The following ZBBX variants were observed in gnomAD, a reference collection of about 807,000 sequenced individuals.
ZBBX encodes the protein zinc finger B-box domain containing.
Under a neutral mutation model 108.5 loss-of-function variants are expected in ZBBX, and 101 were observed. The ratio of observed to expected loss-of-function variants is 0.93; its 90% confidence interval spans 0.79 to 1.10. The LOEUF (loss-of-function observed/expected upper bound fraction) is 1.10. ZBBX is among the 50% of genes least tolerant of loss of function. The pLI, the probability that ZBBX is intolerant of heterozygous loss-of-function variation, is 0.00. For synonymous variants in ZBBX, 356 were observed against 323.4 expected, an observed-to-expected ratio of 1.10 and a Z score of -1.08; for missense variants, 1,009 against 941.4, an observed-to-expected ratio of 1.07 and a Z score of -0.94.
chr3:167,196,323 T>C, the ZBBX span, among the ~76,000 whole-genome samples: 2 of 152,192 alleles, frequency 1.3e-5, no homozygotes, highest in African/African-American at 4.8e-5. Context: ...AAGAAATAAA[T>C]GCAATTAATG....
chr3:167,321,270 C>T (rs760167655), intron 12 of ZBBX, among the ~76,000 whole-genome samples: 9 of 151,720 alleles, frequency 5.9e-5, no homozygotes, highest in African/African-American at 9.7e-5. Flanking sequence ...AGAGGCTTCA[C>T]GGGAAACATG....
At chr3:167,334,028 A>C in intron 9 of ZBBX, 43 bp from the exon 10 acceptor site, 2 of 1,321,530 alleles carry the variant, frequency 1.5e-6, no homozygotes, top group Non-Finnish European at 2.0e-6. Flanking sequence ...CTCATATGTT[A>C]ACCTAAATAA....
intron 19 of ZBBX, among the ~76,000 whole-genome samples, chr3:167,284,927 G>A (rs1172538753): frequency 6.6e-6 from 1 of 151,954 alleles, no homozygotes; most frequent in Non-Finnish European, 1.5e-5. Flanking sequence ...ACTGGCACTA[G>A]TTAAAAATGC....
chr3:167,355,279 C>T (rs977599791), intron 8 of ZBBX, among the ~76,000 whole-genome samples: 7 of 151,870 alleles, frequency 4.6e-5, no homozygotes, highest in Admixed American at 1.3e-4. Flanking sequence ...TATTGTCTTC[C>T]GTCTATGTGC....
the ZBBX span, among the ~76,000 whole-genome samples, chr3:167,178,553 G>C: frequency 6.6e-6 from 1 of 152,108 alleles, no homozygotes; most frequent in South Asian, 2.1e-4. Context: ...GCTGCAACTG[G>C]GGGATCCTCA....
upstream of ZBBX, among the ~76,000 whole-genome samples, chr3:167,384,276 G>GCAGAGGC (rs1487544959): frequency 1.3e-5 from 2 of 152,078 alleles, no homozygotes; most frequent in Non-Finnish European, 2.9e-5. Context: ...AAGGCAGAGG[G>GCAGAGGC]CAGAGGCCAA....
chr3:167,260,741 T>C (rs1422946803), intron 20 of ZBBX, among the ~76,000 whole-genome samples: 3 of 152,254 alleles, frequency 2.0e-5, no homozygotes, highest in African/African-American at 7.2e-5. Flanking sequence ...TCTTGTATCA[T>C]ATTTTGAATT....
chr3:167,236,732 G>A (rs1720244881), downstream of ZBBX, among the ~76,000 whole-genome samples: 1 of 151,688 alleles, frequency 6.6e-6, no homozygotes, highest in African/African-American at 2.4e-5. Context: ...TTCTGAGCGA[G>A]GCATCTGCTG....
the ZBBX span, among the ~76,000 whole-genome samples, chr3:167,183,377 G>A: frequency 7.8e-4 from 119 of 152,246 alleles, no homozygotes; most frequent in African/African-American, 2.5e-3. Flanking sequence ...CCATTGCTCC[G>A]GCGACCCTTT....
intron 20 of ZBBX, among the ~76,000 whole-genome samples, chr3:167,256,246 G>A (rs958370692): frequency 2.0e-5 from 3 of 152,086 alleles, no homozygotes; most frequent in Non-Finnish European, 4.4e-5. Flanking sequence ...CTTGGCCATT[G>A]TGAACAGTGC....
At chr3:167,363,012 C>T (rs1744769949) in intron 6 of ZBBX, among the ~76,000 whole-genome samples, 1 of 151,916 alleles carries the variant, frequency 6.6e-6, no homozygotes, top group Non-Finnish European at 1.5e-5. Context: ...CTACTGTGAA[C>T]ATCTAAATGC....
chr3:167,193,355 C>T, the ZBBX span, among the ~76,000 whole-genome samples: 3,343 of 152,256 alleles, frequency 0.022, 43 homozygotes, highest in African/African-American at 0.026. Context: ...AAACCTTTCA[C>T]CACATTCTGT....
upstream of ZBBX, chr3:167,381,311 T>TG (rs1055597021): frequency 1.3e-5 from 2 of 152,216 alleles, no homozygotes; most frequent in Non-Finnish European, 2.9e-5. Context: ...GTGCCAGTAC[T>TG]GCCACAACTT....
chr3:167,228,383 C>T, the ZBBX span, among the ~76,000 whole-genome samples: 47,927 of 151,576 alleles, frequency 0.32, 8,021 homozygotes, highest in East Asian at 0.65. Flanking sequence ...AACATGTGCA[C>T]GGTAGTATTC....
At chr3:167,284,582 T>A (rs764647497) in intron 19 of ZBBX, among the ~76,000 whole-genome samples, 1 of 152,170 alleles carries the variant, frequency 6.6e-6, no homozygotes, top group East Asian at 1.9e-4. Context: ...ATAATGTAGA[T>A]GCCCTTCAGA....
At chr3:167,183,932 G>A in the ZBBX span, among the ~76,000 whole-genome samples, 1 of 152,196 alleles carries the variant, frequency 6.6e-6, no homozygotes, top group Admixed American at 6.5e-5. Flanking sequence ...GAGGAATCAT[G>A]AGAACTGATT....
the ZBBX span, among the ~76,000 whole-genome samples, chr3:167,222,802 G>T: frequency 0.051 from 7,797 of 151,772 alleles, 554 homozygotes; most frequent in African/African-American, 0.16. Context: ...GTGTGTTTTT[G>T]GTGGGCTAGT....
the ZBBX span, among the ~76,000 whole-genome samples, chr3:167,190,999 C>T: frequency 6.6e-6 from 1 of 152,198 alleles, no homozygotes; most frequent in Non-Finnish European, 1.5e-5. Flanking sequence ...AGGCAGTGAA[C>T]ACCAAGGGGA....
chr3:167,395,813 G>A (rs1016133397), intron 1 of ZBBX, among the ~76,000 whole-genome samples: 1 of 151,918 alleles, frequency 6.6e-6, no homozygotes, highest in Non-Finnish European at 1.5e-5. Context: ...GCTATTGCAA[G>A]AATAGGGAAT....
Sources: gnomAD v4.1 joint callset for allele counts (sites outside exome capture counted in the v4.1 genomes callset) on GRCh38, gnomAD v4.1.1 for gene constraint, MANE v1.5 for transcripts, NCBI Gene and HGNC (gene_info 2026-07-23, HGNC 2026-07-21) for gene names.